Variants in ASTN1 observed in about 807,000 individuals in gnomAD.
The protein encoded by ASTN1 is astrotactin 1, also known as astrotactin-1.
A neutral mutation model predicts 140.7 loss-of-function variants in ASTN1; 41 were observed. That is an observed-to-expected ratio of 0.29 (90% CI 0.23 to 0.38). ASTN1 has a LOEUF of 0.38. Ranked by LOEUF, ASTN1 falls within the 10% of genes least tolerant of loss-of-function variation. The pLI is 1.00. For synonymous variants in ASTN1, 640 were observed against 652.2 expected (o/e 0.98, Z 0.29); for missense variants, 1,479 against 1,678.8 (o/e 0.88, Z 2.08).
intron 8 of ASTN1, among the ~76,000 whole-genome samples, chr1:177,011,660 C>T (rs1011726479): frequency 4.6e-5 from 7 of 151,510 alleles, no homozygotes; most frequent in Non-Finnish European, 8.8e-5. Flanking sequence ...CACACACACA[C>T]ACCACACACA....
chr1:177,108,849 G>A (rs1314810396), intron 1 of ASTN1, among the ~76,000 whole-genome samples: 1 of 152,132 alleles, frequency 6.6e-6, no homozygotes, highest in Non-Finnish European at 1.5e-5. Context: ...CATCTGGACT[G>A]AAGTTATATA....
intron 2 of ASTN1, among the ~76,000 whole-genome samples, chr1:177,037,508 AC>A (rs1289199771): frequency 6.6e-6 from 1 of 152,194 alleles, no homozygotes; most frequent in South Asian, 2.1e-4. Flanking sequence ...TTTCTGTTTT[AC>A]CCTAGCTGTG....
At position 176,894,603 on chromosome 1, in the gene ASTN1, C is replaced by A. The variant is rs758604610; in HGVS notation, c.2899G>T (p.Ala967Ser). The change falls in exon 17 of 23, where the codon GCC becomes TCC. Residue 967 changes from alanine to serine, a missense_variant. Physicochemically the swap from Ala to Ser is moderately conservative, Grantham distance 99 (BLOSUM62 1). Transcript: ENST00000361833. Reference sequence around the variant, plus strand: ...TTGGTCACTAGTTCATAGATGGGGGCTGCTTTGGTCACCTCCAGCAGAACC... The same window carrying A: ...TTGGTCACTAGTTCATAGATGGGGGATGCTTTGGTCACCTCCAGCAGAACC... ...EPVLLEVTKA[A>S]PIYELVTNNQ... The A allele has an allele frequency of 6.2e-6, 10 of 1,614,064 alleles. No homozygotes were observed. The Admixed American group carries it at 1.7e-4, about 27-fold the overall frequency.
intron 22 of ASTN1, among the ~76,000 whole-genome samples, chr1:176,865,436 C>T (rs922197074): frequency 1.3e-5 from 2 of 151,916 alleles, no homozygotes; most frequent in African/African-American, 2.4e-5. Context: ...AGTGTAGAGC[C>T]AGTTCTTAGA....
chr1:176,997,903 T>C (rs1674531771), intron 8 of ASTN1, among the ~76,000 whole-genome samples: 1 of 151,948 alleles, frequency 6.6e-6, no homozygotes, highest in Non-Finnish European at 1.5e-5. Context: ...AGGTAGGGTA[T>C]TAAAGGGAAG....
chr1:177,070,653 C>T (rs1006960413), intron 1 of ASTN1, among the ~76,000 whole-genome samples: 3 of 152,108 alleles, frequency 2.0e-5, no homozygotes, highest in Admixed American at 6.5e-5. Flanking sequence ...ATGACCCTTT[C>T]GTGTGAGTAT....
At chr1:176,957,292 T>G (rs555421802) in intron 11 of ASTN1, among the ~76,000 whole-genome samples, 3 of 149,502 alleles carry the variant, frequency 2.0e-5, no homozygotes, top group African/African-American at 7.4e-5. Context: ...GGGGACAAAG[T>G]TTTTTTTTTA....
At chr1:177,018,837 C>G (rs1396188011) in intron 7 of ASTN1, among the ~76,000 whole-genome samples, 2 of 152,190 alleles carry the variant, frequency 1.3e-5, no homozygotes, top group African/African-American at 4.8e-5. Flanking sequence ...TTGCAAAGCG[C>G]AGGGAAAGTC....
chr1:176,891,812 A>T (rs761430983), intron 17 of ASTN1, among the ~76,000 whole-genome samples: 14 of 152,190 alleles, frequency 9.2e-5, no homozygotes, highest in Non-Finnish European at 1.9e-4. Context: ...AACCCAGAAA[A>T]ACAAAAACAA....
At chr1:177,092,959 T>C (rs1238196272) in intron 1 of ASTN1, among the ~76,000 whole-genome samples, 2 of 152,208 alleles carry the variant, frequency 1.3e-5, no homozygotes, top group African/African-American at 2.4e-5. Flanking sequence ...AGGATAAACA[T>C]GTCCTTGACT....
At chr1:177,029,816 A>T in intron 4 of ASTN1, 75 bp from the exon 5 acceptor site, 1 of 1,371,802 alleles carries the variant, frequency 7.3e-7, no homozygotes, top group Non-Finnish European at 1.0e-6. Context: ...GGGCAAGTTC[A>T]ATGGGAAAAT....
At chr1:177,041,232 G>A (rs1009161173) in intron 2 of ASTN1, among the ~76,000 whole-genome samples, 1 of 152,150 alleles carries the variant, frequency 6.6e-6, no homozygotes, top group African/African-American at 2.4e-5. Context: ...GAGAGCTCAG[G>A]TCCTTCATCC....
At chr1:177,076,443 T>C (rs1015850150) in intron 1 of ASTN1, among the ~76,000 whole-genome samples, 2 of 151,662 alleles carry the variant, frequency 1.3e-5, no homozygotes, top group Non-Finnish European at 2.9e-5. Context: ...TTGGTCATAA[T>C]GAAGGGCCAG....
At chr1:177,093,064 G>A (rs1179084849) in intron 1 of ASTN1, among the ~76,000 whole-genome samples, 1 of 152,086 alleles carries the variant, frequency 6.6e-6, no homozygotes, top group Non-Finnish European at 1.5e-5. Flanking sequence ...TGAAGTCAGG[G>A]GCTTCATTTC....
At chr1:176,970,399 G>C (rs1474808585) in intron 8 of ASTN1, among the ~76,000 whole-genome samples, 2 of 152,132 alleles carry the variant, frequency 1.3e-5, no homozygotes, top group African/African-American at 4.8e-5. Context: ...CCTTAACAAG[G>C]GTCCTTTAAA....
chr1:177,104,382 TA>T (rs1183560770), intron 1 of ASTN1, among the ~76,000 whole-genome samples: 2 of 152,096 alleles, frequency 1.3e-5, no homozygotes, highest in African/African-American at 4.8e-5. Flanking sequence ...TTTGGCTTTT[TA>T]AAAAACCAAA....
chr1:177,136,062 G>A (rs1204290821), intron 1 of ASTN1, among the ~76,000 whole-genome samples: 1 of 152,122 alleles, frequency 6.6e-6, no homozygotes, highest in African/African-American at 2.4e-5. Context: ...TGCTCATTAA[G>A]AGAGCTTGAC....
chr1:177,074,476 A>G (rs929473697), intron 1 of ASTN1, among the ~76,000 whole-genome samples: 1 of 152,202 alleles, frequency 6.6e-6, no homozygotes, highest in African/African-American at 2.4e-5. Context: ...ACACCCCTAC[A>G]GGACACTCAT....
At chr1:176,964,314 G>T (rs1307701717) in intron 9 of ASTN1, among the ~76,000 whole-genome samples, 1 of 152,128 alleles carries the variant, frequency 6.6e-6, no homozygotes, top group African/African-American at 2.4e-5. Context: ...CGCTTATGCA[G>T]GACTACTCAC....
Sources: allele counts gnomAD v4.1 joint callset (sites outside exome capture counted in the v4.1 genomes callset), GRCh38; gene constraint gnomAD v4.1.1; transcripts MANE v1.5; gene names NCBI Gene and HGNC (gene_info 2026-07-23, HGNC 2026-07-21).